The following FLNA variants were observed in gnomAD, a reference collection of about 807,000 sequenced individuals.
FLNA encodes filamin-A.
In FLNA, 7 loss-of-function variants were observed where a neutral mutation model predicts 157.6. That is an observed-to-expected ratio of 0.04 (90% confidence interval 0.03 to 0.08). The LOEUF (loss-of-function observed/expected upper bound fraction) is 0.08. Ranked by LOEUF, FLNA falls within the 10% of genes least tolerant of loss-of-function variation. The probability of loss-of-function intolerance (pLI) is 1.00; values close to 1 mark genes in which losing one functional copy is unlikely to be tolerated. For synonymous variants in FLNA, 1,103 were observed against 1,060.8 expected (o/e 1.04, Z -0.77); for missense variants, 1,750 against 2,398.4 (o/e 0.73, Z 5.65).
Position 154,364,691 on chromosome X carries a change from A to G in FLNA, c.1857T>C (p.Ala619=). 8.3e-6 allele frequency: 10 copies of G among 1,208,710 alleles called. No homozygotes were observed. The highest frequency in any genetic ancestry group is 1.1e-5 in the Non-Finnish European group (10 of 894,718). Residue 619 remains alanine (A), a synonymous_variant, in exon 13 of 48, where the codon GCT becomes GCC. Coordinates refer to ENST00000369850, the MANE Select transcript of FLNA (RefSeq NM_001110556.2). The part of the protein sequence containing the change: ...LGFSVEGPSQ[A]KIECDDKGDG... ...CGCCCTTGTCGTCACATTCGATCTT[A>G]GCCTGCGATGGCCCTTCCACCGAGA...
Position 154,348,681 on chromosome X carries a change from C to T in FLNA, c.*168G>A. The T allele has an allele frequency of 2.3e-6, 1 of 442,708 alleles. No homozygotes were observed. Among genetic ancestry groups the T allele is most frequent in the Non-Finnish European group, 3.8e-6 (1 of 262,313 alleles). The allele number at this position is 442,708 out of a possible 1,213,427, so 36.5% of individuals were successfully genotyped here. Reference sequence around the variant, plus strand: ...TCTGCCCAAGTGAAAGCCGAGAGGTCAGCGGCTGGCTGGGGAGGCAGGTGA... The same window carrying T: ...TCTGCCCAAGTGAAAGCCGAGAGGTTAGCGGCTGGCTGGGGAGGCAGGTGA... On this transcript the variant is annotated 3_prime_UTR_variant, in exon 48 of 48. Transcript: ENST00000369850.
Position 154,352,807 on chromosome X carries a change from A to G in FLNA, c.6344T>C (p.Ile2115Thr). The change falls in exon 39 of 48, where the codon ATC becomes ACC. Residue 2115 changes from isoleucine to threonine, a missense_variant. Physicochemically the swap from Ile to Thr is moderately conservative, Grantham distance 89. Transcript: ENST00000369850. ...TYCPTEPGNY[I>T]INIKFADQHV... ...CTGGTCGGCAAACTTGATGTTGATGATGTAGTTGCCTGGCTCTGTGGGGCA... is the reference window on the plus strand; with the variant it reads ...CTGGTCGGCAAACTTGATGTTGATGGTGTAGTTGCCTGGCTCTGTGGGGCA... 1 of 1,211,678 alleles carries G rather than the reference A, an allele frequency of 8.3e-7. No homozygotes were observed. The highest frequency in any genetic ancestry group is 1.1e-6 in the Non-Finnish European group (1 of 895,453).
Position 154,361,289 on chromosome X carries a change from C to A in FLNA, c.3207+19G>T. On this transcript the variant is annotated intron_variant, in intron 21 of 47. Coordinates refer to ENST00000369850, the MANE Select transcript of FLNA (RefSeq NM_001110556.2). ...AGCACAGTGGGTTCTACCCTTAGGGCCTCCCATACCCCAATTACCTTGCTA... is the reference window on the plus strand; with the variant it reads ...AGCACAGTGGGTTCTACCCTTAGGGACTCCCATACCCCAATTACCTTGCTA... 8.3e-7 allele frequency: 1 copy of A among 1,207,951 alleles called. No homozygotes were observed. The highest frequency in any genetic ancestry group is 1.7e-5 in the African/African-American group (1 of 57,363).
chrX:154,356,336 G>GTAC (rs1557176840), intron 30 of FLNA, among the ~76,000 whole-genome samples: 1 of 111,361 alleles, frequency 9.0e-6, no homozygotes, highest in African/African-American at 3.3e-5. Flanking sequence ...TCTGCAAACA[G>GTAC]TAGCCAGGGA....
At position 154,355,157 on chromosome X, in the gene FLNA, G is replaced by A. The variant is rs2067653389; in HGVS notation, c.4970-85C>T. 4 of 1,029,877 alleles carry A rather than the reference G, an allele frequency of 3.9e-6. No homozygotes were observed. The East Asian group carries it at 9.4e-5, about 24-fold the overall frequency. 84.9% of individuals were successfully genotyped at this position (1,029,877 alleles called of 1,213,427 possible). On this transcript the variant is annotated intron_variant, in intron 30 of 47. Transcript: ENST00000369850. ...TTCCCGTCCGCCTGCCGCCCACACAGGCCTCTCATTGCCACCACCAAGCAC... is the reference window on the plus strand; with the variant it reads ...TTCCCGTCCGCCTGCCGCCCACACAAGCCTCTCATTGCCACCACCAAGCAC...
intron 26 of FLNA, 59 bp from the exon 27 acceptor site, chrX:154,358,627 C>A: frequency 8.5e-7 from 1 of 1,176,255 alleles, no homozygotes; most frequent in Non-Finnish European, 1.1e-6. Context: ...ATTCCTACCC[C>A]ACCACACTGG....
intron 13 of FLNA, 25 bp from the exon 14 acceptor site, chrX:154,364,397 A>AG (rs1557178701): frequency 5.0e-6 from 6 of 1,197,236 alleles, no homozygotes; most frequent in Non-Finnish European, 6.8e-6. Flanking sequence ...CCCAGCTGTC[A>AG]GGGGGCCAGG....
Position 154,370,994 on chromosome X carries a change from G to A in FLNA, c.252C>T (p.Leu84=). 2 of 1,210,697 alleles carry A rather than the reference G, an allele frequency of 1.7e-6. No individual in the cohort carries two copies. Among genetic ancestry groups the A allele is most frequent in the Non-Finnish European group, 2.2e-6 (2 of 894,925 alleles). The change falls in exon 2 of 48, where the codon CTC becomes CTT. Residue 84 remains leucine, a synonymous_variant. Coordinates refer to ENST00000369850, the MANE Select transcript of FLNA (RefSeq NM_001110556.2). Reference sequence around the variant, plus strand: ...GCTTGCGGTGCATCTTCTTCTGGCTGAGCACCTCCAACAGCGCGATAAGCC... The same window carrying A: ...GCTTGCGGTGCATCTTCTTCTGGCTAAGCACCTCCAACAGCGCGATAAGCC... The part of the protein sequence containing the change: ...GLRLIALLEV[L]SQKKMHRKHN...
rs1557177774 is a variant in FLNA at position 154,360,454 on chromosome X, C to G, written c.3341G>C (p.Cys1114Ser). 4.1e-6 allele frequency: 5 copies of G among 1,211,711 alleles called. No individual in the cohort carries two copies. The highest frequency in any genetic ancestry group is 5.6e-6 in the Non-Finnish European group (5 of 895,609). The change falls in exon 22 of 48, where the codon TGC becomes TCC. Residue 1114 changes from cysteine (C) to serine (S), a missense_variant. This residue lies in a region of FLNA where 648 missense variants were observed against 805.8 expected (regional missense o/e 0.80). Transcript: ENST00000369850. ...ACATGTGCCATCCCCATTGTCCAAGCACTCGAGCTGCGCCTCACAGGGGCC... is the reference window on the plus strand; with the variant it reads ...ACATGTGCCATCCCCATTGTCCAAGGACTCGAGCTGCGCCTCACAGGGGCC... The part of the protein sequence containing the change: ...VEGPCEAQLE[C>S]LDNGDGTCSV...
In FLNA at chrX:154,364,509, C is replaced by G; in HGVS notation, c.2022+17G>C. 1 of 1,208,285 alleles carries G rather than the reference C, an allele frequency of 8.3e-7. No homozygotes were observed. The highest frequency in any genetic ancestry group is 1.1e-6 in the Non-Finnish European group (1 of 894,587). On this transcript the variant is annotated intron_variant, in intron 13 of 47. Coordinates refer to ENST00000369850, the MANE Select transcript of FLNA (RefSeq NM_001110556.2). ...AGCAGCAGGGCGAGACTTAGGCCAT[C>G]ACAGCCTGCTCTTTACCCTGTCTGG...
chrX:154,368,678 C>T (rs1557179781), intron 2 of FLNA, among the ~76,000 whole-genome samples: 1 of 112,696 alleles, frequency 8.9e-6, no homozygotes. Flanking sequence ...TTGTGACCCC[C>T]GCCACCACCC....
rs2067693739 is a variant in FLNA at position 154,360,135 on chromosome X, G to C, written c.3660C>G (p.Thr1220=). 8.3e-7 allele frequency: 1 copy of C among 1,209,080 alleles called. No individual in the cohort carries two copies. The highest frequency in any genetic ancestry group is 1.7e-5 in the African/African-American group (1 of 57,647). The change falls in exon 22 of 48, where the codon ACC becomes ACG. Residue 1220 remains threonine, a synonymous_variant. Coordinates refer to ENST00000369850, the MANE Select transcript of FLNA (RefSeq NM_001110556.2). ...QDHGDGTHTI[T]YIPLCPGAYT... ...AGGCCCCGGGGCAGAGGGGAATGTA[G>C]GTAATGGTGTGCGTGCCATCACCGT...
Position 154,354,942 on chromosome X carries a change from C to T in FLNA, c.5100G>A (p.Val1700=), listed in dbSNP as rs1557176637. 8.2e-6 allele frequency: 10 copies of T among 1,212,212 alleles called. No individual in the cohort carries two copies. The highest frequency in any genetic ancestry group is 5.3e-5 in the South Asian group (3 of 57,071). ...CGAAAGTGCCGTCCTCATTCTCCAC[C>T]ACGTCCACATCCACCTCTGAGCCAT... ...TPDGSEVDVD[V]VENEDGTFDI... is the part of the protein sequence containing the mutation. Residue 1700 remains valine (V), a synonymous_variant, in exon 31 of 48, where the codon GTG becomes GTA. Transcript: ENST00000369850.
intron 30 of FLNA, among the ~76,000 whole-genome samples, chrX:154,355,425 C>T (rs1281309371): frequency 8.8e-6 from 1 of 113,945 alleles, no homozygotes; most frequent in Non-Finnish European, 1.9e-5. Flanking sequence ...ACGCCAGCAT[C>T]TGGCTGGGCA....
Position 154,352,837 on chromosome X carries a change from G to C in FLNA, c.6314C>G (p.Thr2105Ser), listed in dbSNP as rs200200745. 23 of 1,210,196 alleles carry C rather than the reference G, an allele frequency of 1.9e-5. No homozygotes were observed. In the Admixed American group the frequency reaches 4.8e-4, roughly 25 times the overall value. The change falls in exon 39 of 48, where the codon ACC (threonine) becomes AGC (serine). Residue 2105 changes from threonine (T) to serine (S), a missense_variant. By Grantham distance (58) the Thr-to-Ser change is moderately conservative. This residue lies in a region of FLNA where 970 missense variants were observed against 1,302.6 expected (regional missense o/e 0.74). Coordinates refer to ENST00000369850, the MANE Select transcript of FLNA (RefSeq NM_001110556.2). ...EDLEDGTCRVTYCPTEPGNYI... is the reference protein window; with the variant it reads ...EDLEDGTCRVSYCPTEPGNYI... Reference sequence around the variant, plus strand: ...GTTGCCTGGCTCTGTGGGGCAGTAGGTGACCCTGCACGTCCCGTCCTCCAG... The same window carrying C: ...GTTGCCTGGCTCTGTGGGGCAGTAGCTGACCCTGCACGTCCCGTCCTCCAG...
chrX:154,365,756 TG>T (rs1467401260), intron 9 of FLNA, among the ~76,000 whole-genome samples: 2 of 107,722 alleles, frequency 1.9e-5, no homozygotes, highest in Non-Finnish European at 3.9e-5. Flanking sequence ...GTTGACCCTG[TG>T]GGCAGAGCAG....
At position 154,353,086 on chromosome X, in the gene FLNA, G is replaced by A; in HGVS notation, c.6141C>T (p.Ala2047=). ...VVISQSEIGD[A]SRVRVSGQGL... Reference sequence around the variant, plus strand: ...CCTGACCAGAGACCCGAACACGACTGGCATCCCCAATTTCCGACTGGCTGA... The same window carrying A: ...CCTGACCAGAGACCCGAACACGACTAGCATCCCCAATTTCCGACTGGCTGA... The change falls in exon 38 of 48, where the codon GCC becomes GCT. Residue 2047 remains alanine, a synonymous_variant. Transcript: ENST00000369850. The A allele has an allele frequency of 8.3e-7, 1 of 1,211,681 alleles. No homozygotes were observed. Among genetic ancestry groups the A allele is most frequent in the Non-Finnish European group, 1.1e-6 (1 of 895,445 alleles).
chrX:154,368,162 G>C, intron 2 of FLNA, 72 bp from the exon 3 acceptor site: 1 of 1,200,542 alleles, frequency 8.3e-7, no homozygotes, highest in Non-Finnish European at 1.1e-6. Flanking sequence ...TTTGGGGTCA[G>C]GGTCTGGCAG....
chrX:154,364,081 C>T lies in FLNA; in HGVS notation c.2221G>A (p.Val741Met), dbSNP rs782439081. ...YSCSYVPRKP[V>M]KHTAMVSWGG... The stretch of plus-strand genomic sequence containing the variant: ...CAGGACACCATGGCTGTGTGCTTCA[C>T]CGGCTTCCTGGGCACGTAGGAGCAG... The change falls in exon 15 of 48, where the codon GTG becomes ATG. Residue 741 changes from valine (V) to methionine (M), a missense_variant. Physicochemically the swap from Val to Met is conservative, Grantham distance 21. Transcript: ENST00000369850. 4 of 1,209,677 alleles carry T rather than the reference C, an allele frequency of 3.3e-6. No individual in the cohort carries two copies. In the East Asian group the frequency reaches 8.9e-5, roughly 27 times the overall value.
Sources: allele counts gnomAD v4.1 joint callset (sites outside exome capture counted in the v4.1 genomes callset), GRCh38; gene constraint gnomAD v4.1.1; regional missense constraint gnomAD v4.1.1; transcripts MANE v1.5; gene names NCBI Gene and HGNC (gene_info 2026-07-23, HGNC 2026-07-21).